The following LARP1B variants were observed in gnomAD, a reference collection of about 807,000 sequenced individuals.
The protein encoded by LARP1B is La ribonucleoprotein 1B.
A neutral mutation model predicts 114.2 loss-of-function variants in LARP1B; 76 were observed. The observed-to-expected ratio is 0.67, with a 90% CI of 0.55 to 0.81. LARP1B has a LOEUF of 0.81. LARP1B is among the 30% of genes least tolerant of loss of function. The pLI, the probability that LARP1B is intolerant of heterozygous loss-of-function variation, is 0.00. For missense variants in LARP1B, 1,014 were observed against 1,075.8 expected (o/e 0.94, Z 0.80); for synonymous variants, 345 against 348.0 (o/e 0.99, Z 0.10).
rs771543999 is a variant in LARP1B at position 128,082,167 on chromosome 4, A to G, written c.220A>G (p.Asn74Asp). 2.5e-6 allele frequency: 4 copies of G among 1,609,620 alleles called. No homozygotes were observed. The highest frequency in any genetic ancestry group is 3.4e-6 in the Non-Finnish European group (4 of 1,179,332). ...TAAATGATTTTGTTTTCTTCAAGCTAATAAGCACAAGTGGGTACCACTCCA... is the reference window on the plus strand; with the variant it reads ...TAAATGATTTTGTTTTCTTCAAGCTGATAAGCACAAGTGGGTACCACTCCA... ...AQSSNQRKRANKHKWVPLHLD... is the reference protein window; with the variant it reads ...AQSSNQRKRADKHKWVPLHLD... The change falls in exon 5 of 20, where the codon AAT (asparagine) becomes GAT (aspartate). Residue 74 changes from asparagine (N) to aspartate (D), a missense_variant and splice_region_variant. Transcript: ENST00000326639.
intron 11 of LARP1B, among the ~76,000 whole-genome samples, chr4:128,141,375 GAA>G (rs1243154161): frequency 2.6e-5 from 4 of 152,118 alleles, no homozygotes; most frequent in Admixed American, 6.5e-5. Flanking sequence ...TGTATCTACA[GAA>G]TAAGAGAGAA....
intron 11 of LARP1B, among the ~76,000 whole-genome samples, chr4:128,134,673 A>G (rs1021312900): frequency 6.6e-6 from 1 of 152,220 alleles, no homozygotes; most frequent in Non-Finnish European, 1.5e-5. Context: ...ATGCAGAAAA[A>G]TATTTGCAAA....
At chr4:128,222,375 C>T (rs1038748875) in exon 8 of LARP1B, 17 of 456,606 alleles carry the variant, frequency 3.7e-5, no homozygotes, top group Admixed American at 3.5e-4. Context: ...TACTTCTGCT[C>T]ATCATAAACA....
At chr4:128,114,823 A>G in intron 10 of LARP1B, 81 bp downstream of exon 10, 2 of 1,302,662 alleles carry the variant, frequency 1.5e-6, no homozygotes, top group Non-Finnish European at 2.1e-6. Flanking sequence ...TGTTAGGTAC[A>G]TATGTAAAAT....
chr4:128,075,824 G>A (rs895851188), intron 3 of LARP1B, among the ~76,000 whole-genome samples: 24 of 152,054 alleles, frequency 1.6e-4, no homozygotes, highest in African/African-American at 5.8e-4. Context: ...TGGGATTATA[G>A]GCGTTAGCCA....
At chr4:128,146,641 G>T (rs1454661406) in intron 11 of LARP1B, among the ~76,000 whole-genome samples, 3 of 152,066 alleles carry the variant, frequency 2.0e-5, no homozygotes, top group Admixed American at 2.0e-4. Flanking sequence ...GAGAAGGAGG[G>T]GAATGGGATT....
chr4:128,191,937 G>T (rs1003364208), intron 15 of LARP1B, among the ~76,000 whole-genome samples: 3 of 152,088 alleles, frequency 2.0e-5, no homozygotes. Flanking sequence ...TGCAGAAAAG[G>T]CATCATGCAA....
intron 12 of LARP1B, among the ~76,000 whole-genome samples, chr4:128,174,659 A>G (rs1745159145): frequency 6.6e-6 from 1 of 152,078 alleles, no homozygotes. Flanking sequence ...CCATGTATCC[A>G]TCTCACCTAA....
At chr4:128,126,978 C>CA (rs1264627144) in intron 11 of LARP1B, among the ~76,000 whole-genome samples, 3 of 151,262 alleles carry the variant, frequency 2.0e-5, no homozygotes, top group African/African-American at 7.3e-5. Context: ...GGAGAGGTGT[C>CA]AGAGTTTAGC....
rs71587360 is a variant in LARP1B, at chr4:128,095,992, A to ATTTT, written c.669-2178_669-2175dup. Among the ~76,000 whole-genome samples, 8 of 125,370 alleles carry ATTTT rather than the reference A, an allele frequency of 6.4e-5. 1 individual carries two copies. Among genetic ancestry groups the ATTTT allele is most frequent in the African/African-American group, 9.2e-5 (3 of 32,744 alleles). 82.2% of individuals were successfully genotyped at this position (125,370 alleles called of 152,430 possible). ...CTCATTTACATATATGGAGGCTATA[A>ATTTT]TTTTTTTTTTTTTTTTTTTGAGACG... On this transcript the variant is annotated intron_variant, in intron 7 of 19. Transcript: ENST00000326639.
intron 10 of LARP1B, among the ~76,000 whole-genome samples, chr4:128,114,995 TG>T (rs1785307428): frequency 6.6e-6 from 1 of 152,034 alleles, no homozygotes; most frequent in South Asian, 2.1e-4. Context: ...TGGAGTGCAG[TG>T]GCGCGATCTT....
chr4:128,200,802 C>T (rs1755701436), intron 17 of LARP1B, 137 bp downstream of exon 17: 4 of 555,190 alleles, frequency 7.2e-6, no homozygotes, highest in Admixed American at 3.8e-5. Context: ...TGATTTTGAA[C>T]CGTGAAAGTA....
chr4:128,220,793 T>C (rs1016860958), intron 7 of LARP1B, among the ~76,000 whole-genome samples: 7 of 152,194 alleles, frequency 4.6e-5, no homozygotes, highest in African/African-American at 1.7e-4. Context: ...GCCATGTAGT[T>C]AAGTCACACA....
intron 3 of LARP1B, 37 bp from the exon 4 acceptor site, chr4:128,077,751 T>G: frequency 6.8e-7 from 1 of 1,477,530 alleles, no homozygotes; most frequent in Non-Finnish European, 9.0e-7. Context: ...GTGAAAATAT[T>G]AATGGAAATC....
intron 11 of LARP1B, among the ~76,000 whole-genome samples, chr4:128,149,795 G>C (rs1359811461): frequency 6.6e-6 from 1 of 152,142 alleles, no homozygotes; most frequent in African/African-American, 2.4e-5. Context: ...ACTTTTTAAG[G>C]TATTAAAGAA....
At chr4:128,180,142 G>C (rs1050308543) in intron 15 of LARP1B, among the ~76,000 whole-genome samples, 1 of 152,086 alleles carries the variant, frequency 6.6e-6, no homozygotes, top group Non-Finnish European at 1.5e-5. Context: ...AATAGAGACA[G>C]AATCTTGCTC....
intron 8 of LARP1B, among the ~76,000 whole-genome samples, chr4:128,100,324 G>C (rs1303936048): frequency 6.6e-6 from 1 of 151,160 alleles, no homozygotes; most frequent in African/African-American, 2.4e-5. Context: ...CCATGCTGGA[G>C]TGTTCTGGTG....
At chr4:128,084,432 G>T (rs931646506) in intron 5 of LARP1B, among the ~76,000 whole-genome samples, 1 of 152,250 alleles carries the variant, frequency 6.6e-6, no homozygotes, top group East Asian at 1.9e-4. Flanking sequence ...AGACCAGCCC[G>T]GCCAGCACAG....
chr4:128,185,768 A>G (rs1750124462), intron 15 of LARP1B, among the ~76,000 whole-genome samples: 1 of 152,186 alleles, frequency 6.6e-6, no homozygotes, highest in Non-Finnish European at 1.5e-5. Flanking sequence ...GCCTAGACCA[A>G]TGGCCTAGAG....
Sources: gnomAD v4.1 joint callset for allele counts (sites outside exome capture counted in the v4.1 genomes callset) on GRCh38, gnomAD v4.1.1 for gene constraint, MANE v1.5 for transcripts, NCBI Gene and HGNC (gene_info 2026-07-23, HGNC 2026-07-21) for gene names.